Variants in EEA1 observed in about 807,000 individuals in gnomAD.
EEA1 encodes early endosome antigen 1.
In EEA1, 111 loss-of-function variants were observed where a neutral mutation model predicts 209.2. The ratio of observed to expected loss-of-function variants is 0.53; its 90% CI spans 0.45 to 0.62. EEA1 has a LOEUF of 0.62. Ranked by LOEUF, EEA1 falls within the 20% of genes least tolerant of loss-of-function variation. The pLI is 0.00. For missense variants in EEA1, 1,343 were observed against 1,530.8 expected (o/e 0.88, Z 2.05); for synonymous variants, 536 against 540.6 (o/e 0.99, Z 0.12).
intron 1 of EEA1, among the ~76,000 whole-genome samples, chr12:92,894,469 TGCAAAGAAAAAGTTCC>T (rs1427641500): frequency 6.7e-4 from 102 of 152,256 alleles, no homozygotes; most frequent in African/African-American, 2.3e-3. Flanking sequence ...CAAATGTGAA[TGCAAAGAAAAAGTTCC>T]TGGGGAAATT....
At position 92,857,637 on chromosome 12, in the gene EEA1, T is replaced by C. The variant is rs183765784; in HGVS notation, c.246-152A>G. On this transcript the variant is annotated intron_variant, in intron 3 of 28. Coordinates refer to ENST00000322349, the MANE Select transcript of EEA1 (RefSeq NM_003566.4). ...AAGATTTTATCTATAATAGCATATATATAAATCCCTCAGAAAAACGATTTT... is the reference window on the plus strand; with the variant it reads ...AAGATTTTATCTATAATAGCATATACATAAATCCCTCAGAAAAACGATTTT... 85 of 457,688 alleles carry C rather than the reference T, an allele frequency of 1.9e-4. No homozygotes were observed. The East Asian group carries it at 3.2e-3, about 17-fold the overall frequency. 28.4% of individuals were successfully genotyped at this position (457,688 alleles called of 1,614,324 possible). A position where few individuals can be genotyped will look rare whatever the true frequency, so the allele number is the denominator to read the frequency against.
intron 1 of EEA1, among the ~76,000 whole-genome samples, chr12:92,896,314 G>T (rs1296610912): frequency 6.6e-6 from 1 of 152,152 alleles, no homozygotes; most frequent in East Asian, 1.9e-4. Context: ...GAGGAGGAAT[G>T]GCTTCTTAGG....
chr12:92,858,169 C>G lies in EEA1; in HGVS notation c.246-684G>C, dbSNP rs1877971830. ...CAGAGTTGGTGGGGGAAGGCCCACC[C>G]AGATAAGATCTGTGACCAGATCAGT... is the stretch of plus-strand genomic sequence containing the variant. On this transcript the variant is annotated intron_variant, in intron 3 of 28. Coordinates refer to ENST00000322349, the MANE Select transcript of EEA1 (RefSeq NM_003566.4). The G allele has an allele frequency of 4.7e-6, 3 of 643,538 alleles. No individual in the cohort carries two copies. The Admixed American group carries it at 6.5e-5, about 14-fold the overall frequency. The allele number at this position is 643,538 out of a possible 1,614,324, so 39.9% of individuals were successfully genotyped here.
At chr12:92,827,574 T>C (rs1876375560) in intron 12 of EEA1, among the ~76,000 whole-genome samples, 1 of 152,204 alleles carries the variant, frequency 6.6e-6, no homozygotes, top group Admixed American at 6.5e-5. Context: ...CTACATGTCA[T>C]TAACGATCTT....
intron 1 of EEA1, among the ~76,000 whole-genome samples, chr12:92,928,756 GCA>G (rs1446343692): frequency 2.6e-5 from 4 of 152,130 alleles, no homozygotes; most frequent in Non-Finnish European, 4.4e-5. Context: ...GAACGCGCCG[GCA>G]CCACACCCTC....
rs553891237 is a variant in EEA1 at position 92,877,576 on chromosome 12, G to A, written c.118-12589C>T. Among the ~76,000 whole-genome samples the A allele has an allele frequency of 1.1e-4, 16 of 151,862 alleles. No individual in the cohort carries two copies. The East Asian group carries it at 2.3e-3, about 22-fold the overall frequency. ...CAAAGTCTTGCTCTGTCACCCAGGC[G>A]GGAGTGCAGTGGTGCGATCTTGGCT... On this transcript the variant is annotated intron_variant, in intron 2 of 28. Coordinates refer to ENST00000322349, the MANE Select transcript of EEA1 (RefSeq NM_003566.4).
At position 92,776,062 on chromosome 12, in the gene EEA1, G is replaced by C. The variant is rs1201213004; in HGVS notation, c.4185C>G (p.Ser1395=). Residue 1395 remains serine (S), a synonymous_variant, in exon 29 of 29, where the codon TCC becomes TCG. Transcript: ENST00000322349. Reference sequence around the variant, plus strand: ...CATCACAGACACGAACAGGCTTCTTGGAGGAAGGAGTTAAGGCATTTTTGG... The same window carrying C: ...CATCACAGACACGAACAGGCTTCTTCGAGGAAGGAGTTAAGGCATTTTTGG... ...CSAKNALTPS[S]KKPVRVCDAC... 2 of 1,611,408 alleles carry C rather than the reference G, an allele frequency of 1.2e-6. No homozygotes were observed. The highest frequency in any genetic ancestry group is 2.7e-5 in the African/African-American group (2 of 74,788).
chr12:92,875,787 C>G (rs1171566564), intron 2 of EEA1, among the ~76,000 whole-genome samples: 2 of 152,164 alleles, frequency 1.3e-5, no homozygotes, highest in African/African-American at 4.8e-5. Flanking sequence ...CCAATCTCCC[C>G]CTTGCTCACT....
At chr12:92,778,548 T>C (rs1420763127) in intron 25 of EEA1, among the ~76,000 whole-genome samples, 2 of 152,058 alleles carry the variant, frequency 1.3e-5, no homozygotes, top group African/African-American at 2.4e-5. Context: ...CTTTTCTCTA[T>C]CAGTCTGCCA....
chr12:92,860,725 G>A (rs1185005008), intron 3 of EEA1, among the ~76,000 whole-genome samples: 1 of 152,114 alleles, frequency 6.6e-6, no homozygotes, highest in Admixed American at 6.5e-5. Context: ...TAGCTGGTGT[G>A]ATACAGAGAA....
chr12:92,828,325 C>T (rs1297235494), intron 11 of EEA1, among the ~76,000 whole-genome samples: 1 of 151,990 alleles, frequency 6.6e-6, no homozygotes, highest in Non-Finnish European at 1.5e-5. Context: ...AAAACAAATG[C>T]AGGTTCTTGT....
chr12:92,863,673 G>C (rs1426100596), intron 3 of EEA1, among the ~76,000 whole-genome samples: 1 of 152,196 alleles, frequency 6.6e-6, no homozygotes, highest in African/African-American at 2.4e-5. Context: ...TCTTTGGGTA[G>C]ATTGTCAGAC....
chr12:92,814,563 C>A (rs1875684511), intron 15 of EEA1, among the ~76,000 whole-genome samples: 1 of 141,348 alleles, frequency 7.1e-6, no homozygotes, highest in East Asian at 2.1e-4. Context: ...TAAGTAATTG[C>A]TCCACTAGTT....
At chr12:92,858,202 T>A (rs1185876387) in intron 3 of EEA1, 2 of 699,158 alleles carry the variant, frequency 2.9e-6, no homozygotes, top group Non-Finnish European at 5.4e-6. Context: ...AGTGAGGCTG[T>A]CCTTGATGCC....
chr12:92,875,802 T>C (rs1354250528), intron 2 of EEA1, among the ~76,000 whole-genome samples: 1 of 152,208 alleles, frequency 6.6e-6, no homozygotes, highest in Non-Finnish European at 1.5e-5. Context: ...CTCACTATGC[T>C]ACAGCTACAA....
intron 5 of EEA1, among the ~76,000 whole-genome samples, chr12:92,856,528 C>A (rs914812145): frequency 2.0e-5 from 3 of 151,836 alleles, no homozygotes; most frequent in Non-Finnish European, 4.4e-5. Context: ...GTTAATAGAA[C>A]AGGTTTCCCA....
In EEA1 at chr12:92,827,765, A is replaced by C. The variant is rs147705066; in HGVS notation, c.1404+147T>G. On this transcript the variant is annotated intron_variant, in intron 12 of 28. Coordinates refer to ENST00000322349, the MANE Select transcript of EEA1 (RefSeq NM_003566.4). ...CAATTACAACAAAATGACTTAATGT[A>C]GTTAATAAGCAAGATGTTGCTATTG... 2.3e-4 allele frequency: 171 copies of C among 752,646 alleles called. No homozygotes were observed. The African/African-American group carries it at 3.0e-3, about 13-fold the overall frequency. 46.6% of individuals were successfully genotyped at this position (752,646 alleles called of 1,614,324 possible).
At chr12:92,838,470 T>C (rs1013985017) in intron 10 of EEA1, among the ~76,000 whole-genome samples, 1 of 152,122 alleles carries the variant, frequency 6.6e-6, no homozygotes, top group African/African-American at 2.4e-5. Context: ...AAGGCAAAAC[T>C]AAATTATGTA....
At chr12:92,853,890 A>T in intron 6 of EEA1, 25 bp downstream of exon 6, 2 of 1,587,504 alleles carry the variant, frequency 1.3e-6, no homozygotes, top group Non-Finnish European at 1.7e-6. Context: ...AAAACTGACA[A>T]AATATCTGCT....
Sources: allele counts gnomAD v4.1 joint callset (sites outside exome capture counted in the v4.1 genomes callset), GRCh38; gene constraint gnomAD v4.1.1; transcripts MANE v1.5; gene names NCBI Gene and HGNC (gene_info 2026-07-23, HGNC 2026-07-21).